The following IDO2 variants were observed in gnomAD, a reference collection of about 807,000 sequenced individuals.
IDO2 encodes indoleamine 2,3-dioxygenase 2, also known as indoleamine 2,3-dioxygenase-like 1 protein.
A neutral mutation model predicts 45.1 loss-of-function variants in IDO2; 46 were observed. The observed-to-expected ratio is 1.02, with a 90% CI of 0.80 to 1.30. The LOEUF (loss-of-function observed/expected upper bound fraction) is 1.30. IDO2 is among the 50% of genes most tolerant of loss of function. The probability of loss-of-function intolerance (pLI) is 0.00; values close to 1 mark genes in which losing one functional copy is unlikely to be tolerated. For missense variants in IDO2, 544 were observed against 491.8 expected (o/e 1.11, Z -1.00); for synonymous variants, 218 against 184.9 (o/e 1.18, Z -1.45).
intron 1 of IDO2, 111 bp from the exon 2 acceptor site, chr8:39,949,038 A>C: frequency 1.4e-6 from 2 of 1,400,720 alleles, no homozygotes; most frequent in Middle Eastern, 2.1e-4. Context: ...CCTCAGGGAA[A>C]AGTTCTCTCC....
At chr8:40,008,303 C>T (rs1554549794) in intron 9 of IDO2, among the ~76,000 whole-genome samples, 1 of 152,176 alleles carries the variant, frequency 6.6e-6, no homozygotes, top group Non-Finnish European at 1.5e-5. Context: ...ACTTCAGCCT[C>T]CCAAAGTGCT....
rs1419629260 is a variant in IDO2 at position 39,989,843 on chromosome 8, G to C, written c.667+5G>C. On this transcript the variant is annotated splice_donor_5th_base_variant and intron_variant, in intron 8 of 10. Coordinates refer to ENST00000502986, the Ensembl canonical transcript of IDO2. ...AAACCTTAGGACAGATGCATGGTAA[G>C]ATGCTTCCGAAGCTCCTGAAGGATC... is the stretch of plus-strand genomic sequence containing the variant. The C allele has an allele frequency of 6.4e-7, 1 of 1,566,518 alleles. No homozygotes were observed. Among genetic ancestry groups the C allele is most frequent in the Admixed American group, 1.8e-5 (1 of 54,446 alleles).
chr8:39,954,409 T>G (rs1807858515), intron 2 of IDO2, among the ~76,000 whole-genome samples: 1 of 152,142 alleles, frequency 6.6e-6, no homozygotes, highest in African/African-American at 2.4e-5. Flanking sequence ...AGTATAGTCG[T>G]TTGCCAGAGC....
chr8:40,013,364 G>T (rs1207269385), intron 9 of IDO2, among the ~76,000 whole-genome samples: 1 of 152,102 alleles, frequency 6.6e-6, no homozygotes, highest in Non-Finnish European at 1.5e-5. Context: ...GAAGAAAAGG[G>T]CTGTGATTTT....
chr8:39,994,223 G>A (rs1398011206), intron 8 of IDO2, among the ~76,000 whole-genome samples: 2 of 150,970 alleles, frequency 1.3e-5, no homozygotes, highest in Non-Finnish European at 3.0e-5. Context: ...TTTTCAATTT[G>A]AATTTTCTAT....
At chr8:39,978,236 C>CA (rs1402448948) in intron 3 of IDO2, among the ~76,000 whole-genome samples, 13 of 152,176 alleles carry the variant, frequency 8.5e-5, no homozygotes, top group Non-Finnish European at 1.5e-4. Flanking sequence ...AAAAGGACAA[C>CA]AAAAACACCC....
chr8:39,940,992 A>T (rs1015254616), intron 1 of IDO2, among the ~76,000 whole-genome samples: 1 of 151,540 alleles, frequency 6.6e-6, no homozygotes, highest in Non-Finnish European at 1.5e-5. Context: ...AGGCTGAGGC[A>T]GGCGGATCAC....
chr8:39,983,530 G>C (rs189379240), intron 5 of IDO2, among the ~76,000 whole-genome samples: 1 of 152,282 alleles, frequency 6.6e-6, no homozygotes, highest in African/African-American at 2.4e-5. Flanking sequence ...CTACTTAAAA[G>C]GGTTACATAT....
At chr8:39,991,934 C>G (rs1293656749) in intron 8 of IDO2, among the ~76,000 whole-genome samples, 1 of 152,232 alleles carries the variant, frequency 6.6e-6, no homozygotes, top group East Asian at 1.9e-4. Context: ...TGCAGGAGGT[C>G]TCATCGTCTA....
chr8:39,954,265 G>C (rs1807856565), intron 2 of IDO2, among the ~76,000 whole-genome samples: 1 of 152,176 alleles, frequency 6.6e-6, no homozygotes, highest in Non-Finnish European at 1.5e-5. Flanking sequence ...GATGCTCTGA[G>C]TTTAATGTTT....
chr8:39,992,370 G>T (rs1801951548), intron 8 of IDO2, among the ~76,000 whole-genome samples: 1 of 152,164 alleles, frequency 6.6e-6, no homozygotes, highest in South Asian at 2.1e-4. Context: ...GTTGGCTTCT[G>T]CCCAGGAGTG....
intron 8 of IDO2, among the ~76,000 whole-genome samples, chr8:39,997,393 G>A (rs1048371453): frequency 1.3e-5 from 2 of 151,976 alleles, no homozygotes; most frequent in Non-Finnish European, 2.9e-5. Flanking sequence ...AGAAATCATT[G>A]CCAGATGCGG....
intron 3 of IDO2, among the ~76,000 whole-genome samples, chr8:39,970,008 T>C (rs1205121657): frequency 6.6e-6 from 1 of 152,178 alleles, no homozygotes; most frequent in African/African-American, 2.4e-5. Flanking sequence ...GAAAAGCTTT[T>C]GAAGAAAATT....
At chr8:39,981,834 G>A (rs1009839602) in intron 4 of IDO2, among the ~76,000 whole-genome samples, 4 of 152,262 alleles carry the variant, frequency 2.6e-5, no homozygotes, top group South Asian at 2.1e-4. Context: ...ATCTAGACTC[G>A]TTCAGCCTTT....
chr8:39,937,647 C>T (rs1053115535), intron 1 of IDO2, among the ~76,000 whole-genome samples: 5 of 151,840 alleles, frequency 3.3e-5, no homozygotes, highest in Admixed American at 1.3e-4. Context: ...CAACCCCCCA[C>T]GTAGCTAGGA....
At chr8:40,011,703 G>A (rs1802312985) in intron 9 of IDO2, among the ~76,000 whole-genome samples, 1 of 152,162 alleles carries the variant, frequency 6.6e-6, no homozygotes, top group Non-Finnish European at 1.5e-5. Context: ...CCCTGGGCAG[G>A]TATTATTTTA....
intron 2 of IDO2, among the ~76,000 whole-genome samples, chr8:39,951,151 A>G (rs1348754992): frequency 1.3e-5 from 2 of 152,158 alleles, no homozygotes; most frequent in African/African-American, 4.8e-5. Context: ...CAGGGTAGGT[A>G]TTCAGTAAAA....
intron 3 of IDO2, among the ~76,000 whole-genome samples, chr8:39,971,544 G>A (rs1038665116): frequency 6.6e-6 from 1 of 152,146 alleles, no homozygotes; most frequent in Non-Finnish European, 1.5e-5. Context: ...TGATCCCTCT[G>A]AAGAATCTGG....
At chr8:39,981,661 C>G (rs921343052) in intron 4 of IDO2, among the ~76,000 whole-genome samples, 2 of 152,076 alleles carry the variant, frequency 1.3e-5, no homozygotes, top group Non-Finnish European at 2.9e-5. Context: ...AAAGTTTACC[C>G]GAGGTTCACA....
Sources: gnomAD v4.1 joint callset for allele counts (sites outside exome capture counted in the v4.1 genomes callset) on GRCh38, gnomAD v4.1.1 for gene constraint, MANE v1.5 for transcripts, NCBI Gene and HGNC (gene_info 2026-07-23, HGNC 2026-07-21) for gene names.